Variants in CHIT1 observed in about 807,000 individuals in gnomAD.
The protein encoded by CHIT1 is chitinase 1, also known as chitotriosidase-1.
A neutral mutation model predicts 52.0 loss-of-function variants in CHIT1; 47 were observed. The ratio of observed to expected loss-of-function variants is 0.90; its 90% CI spans 0.71 to 1.15. The LOEUF is 1.15. CHIT1 is among the 50% of genes most tolerant of loss of function. The pLI, the probability that CHIT1 is intolerant of heterozygous loss-of-function variation, is 0.00. For synonymous variants in CHIT1, 242 were observed against 228.2 expected, an observed-to-expected ratio of 1.06 and a Z score of -0.54; for missense variants, 569 against 583.0, an observed-to-expected ratio of 0.98 and a Z score of 0.25.
chr1:203,224,346 TATTA>T (rs1185741355), intron 4 of CHIT1, among the ~76,000 whole-genome samples: 1 of 152,184 alleles, frequency 6.6e-6, no homozygotes, highest in Non-Finnish European at 1.5e-5. Context: ...ATTTTATTTT[TATTA>T]ATTTAGTCCG....
At position 203,216,306 on chromosome 1, in the gene CHIT1, G is replaced by C. The variant is rs1376198558; in HGVS notation, c.*583C>G. 7 of 453,962 alleles carry C rather than the reference G, an allele frequency of 1.5e-5. No homozygotes were observed. The highest frequency in any genetic ancestry group is 7.8e-5 in the South Asian group (5 of 64,478). 28.1% of individuals were successfully genotyped at this position (453,962 alleles called of 1,614,324 possible). A position where few individuals can be genotyped will look rare whatever the true frequency, so the allele number is the denominator to read the frequency against. On this transcript the variant is annotated 3_prime_UTR_variant, in exon 11 of 11. Transcript: ENST00000367229. ...TATCTCGAAGACCCCTGAGTACCAG[G>C]GGTCTGAATTCTTAGTGTAATGCTG...
In CHIT1 at chr1:203,225,675, T is replaced by C. The variant is rs2102242033; in HGVS notation, c.251A>G (p.Lys84Arg). 1 of 1,612,184 alleles carries C rather than the reference T, an allele frequency of 6.2e-7. No individual in the cohort carries two copies. Among genetic ancestry groups the C allele is most frequent in the East Asian group, 2.2e-5 (1 of 44,744 alleles). The change falls in exon 3 of 11, where the codon AAG becomes AGG. Residue 84 changes from lysine to arginine, a missense_variant. Coordinates refer to ENST00000367229, the MANE Select transcript of CHIT1 (RefSeq NM_003465.3). ...CTCCTCTGCTTTGGCTCACATCTTCTTCAGGCCATTGAACTCCTGGTAGAG... is the reference window on the plus strand; with the variant it reads ...CTCCTCTGCTTTGGCTCACATCTTCCTCAGGCCATTGAACTCCTGGTAGAG... ...ETLYQEFNGLKKMNPKLKTLL... is the reference protein window; with the variant it reads ...ETLYQEFNGLRKMNPKLKTLL...
chr1:203,221,535 C>T (rs10920585), intron 7 of CHIT1, among the ~76,000 whole-genome samples: 39 of 152,136 alleles, frequency 2.6e-4, no homozygotes, highest in African/African-American at 8.9e-4. Flanking sequence ...GCAGGAGGAT[C>T]GCTTAAGCCT....
chr1:203,219,609 C>T, intron 8 of CHIT1, 55 bp downstream of exon 8: 2 of 1,593,010 alleles, frequency 1.3e-6, no homozygotes, highest in Admixed American at 1.7e-5. Context: ...AACCTCTGTT[C>T]TCTCAGGCAC....
rs202214187 is a variant in CHIT1, at chr1:203,216,864, C to T, written c.*25G>A. 1.9e-6 allele frequency: 3 copies of T among 1,613,562 alleles called. No individual in the cohort carries two copies. The East Asian group carries it at 6.7e-5, about 36-fold the overall frequency. ...AGTGATCCTGGGCCCAGCCTCAAAG[C>T]TGGGACTGGAGGGGCTTTAGCGACT... On this transcript the variant is annotated 3_prime_UTR_variant, in exon 11 of 11. Transcript: ENST00000367229.
rs776443553 is a variant in CHIT1 at position 203,225,014 on chromosome 1, A to C, written c.314+34T>G. ...CCAGTGCACCAGGTTCCCATCCAGG[A>C]GCTTTACCACACAGGTGACCACAGT... is the stretch of plus-strand genomic sequence containing the variant. On this transcript the variant is annotated intron_variant, in intron 4 of 10. Coordinates refer to ENST00000367229, the MANE Select transcript of CHIT1 (RefSeq NM_003465.3). 29 of 1,600,716 alleles carry C rather than the reference A, an allele frequency of 1.8e-5. No individual in the cohort carries two copies. The East Asian group carries it at 6.2e-4, about 34-fold the overall frequency.
chr1:203,216,103 C>T lies in CHIT1; in HGVS notation c.*786G>A, dbSNP rs1312086351. 4.4e-6 allele frequency: 2 copies of T among 453,848 alleles called. No individual in the cohort carries two copies. Among genetic ancestry groups the T allele is most frequent in the Admixed American group, 4.7e-5 (2 of 42,556 alleles). The allele number at this position is 453,848 out of a possible 1,614,324, so 28.1% of individuals were successfully genotyped here. A position where few individuals can be genotyped will look rare whatever the true frequency, so the allele number is the denominator to read the frequency against. ...GGAATGTTGGGATGACTTTATTTAACCAGGACACCGTGTGCATGCTCTCTG... is the reference window on the plus strand; with the variant it reads ...GGAATGTTGGGATGACTTTATTTAATCAGGACACCGTGTGCATGCTCTCTG... On this transcript the variant is annotated 3_prime_UTR_variant, in exon 11 of 11. Transcript: ENST00000367229.
intron 6 of CHIT1, 107 bp from the exon 7 acceptor site, chr1:203,222,432 G>A: frequency 1.3e-6 from 2 of 1,547,666 alleles, no homozygotes; most frequent in Non-Finnish European, 1.8e-6. Context: ...GGAACCACTG[G>A]GGTCAGAGGC....
chr1:203,229,941 T>C, upstream of CHIT1: 1 of 454,504 alleles, frequency 2.2e-6, no homozygotes, highest in Middle Eastern at 6.5e-4. Flanking sequence ...GACCCTGACT[T>C]TCTTTGTGTA....
chr1:203,225,049 T>A lies in CHIT1; in HGVS notation c.313A>T (p.Lys105Ter). 1 of 1,613,658 alleles carries A rather than the reference T, an allele frequency of 6.2e-7. No individual in the cohort carries two copies. Among genetic ancestry groups the A allele is most frequent in the African/African-American group, 1.3e-5 (1 of 74,920 alleles). ...CACAGGTGACCACAGTCAACTAACT[T>A]CTGAGTGCCGAAATTCCAGCCTCCG... ...AIGGWNFGTQ[K>*]FTDMVATANN... Residue 105 changes from lysine (K) to a stop codon, truncating the protein, a stop_gained and splice_region_variant, in exon 4 of 11, where the codon AAG (lysine) becomes TAG (stop). Transcript: ENST00000367229. LOFTEE classifies it high-confidence loss of function.
intron 10 of CHIT1, chr1:203,217,409 G>A (rs1656572737): frequency 6.7e-7 from 1 of 1,485,046 alleles, no homozygotes; most frequent in African/African-American, 1.4e-5. Context: ...GGGCAGGTGG[G>A]GGTGCCACGC....
chr1:203,225,141 C>A (rs1204992506), intron 3 of CHIT1, 37 bp from the exon 4 acceptor site: 24 of 1,605,368 alleles, frequency 1.5e-5, no homozygotes, highest in Non-Finnish European at 1.9e-5. Flanking sequence ...ATTTACTCTG[C>A]CAGCTCCCAG....
intron 4 of CHIT1, 120 bp downstream of exon 4, chr1:203,224,928 C>T: frequency 3.3e-6 from 3 of 908,550 alleles, no homozygotes; most frequent in South Asian, 1.4e-5. Context: ...TTCAGCTCCC[C>T]TCCCCTTTCC....
At chr1:203,223,926 A>G (rs1656835886) in intron 4 of CHIT1, among the ~76,000 whole-genome samples, 2 of 152,024 alleles carry the variant, frequency 1.3e-5, no homozygotes, top group African/African-American at 4.8e-5. Context: ...CCTTTCCCAA[A>G]ATTCCCTCCA....
rs1656908070 is a variant in CHIT1 at position 203,225,814 on chromosome 1, C to A, written c.112G>T (p.Glu38Ter). 1 of 1,614,158 alleles carries A rather than the reference C, an allele frequency of 6.2e-7. No individual in the cohort carries two copies. The change falls in exon 3 of 11, where the codon GAG (glutamate) becomes TAG (stop). Residue 38 changes from glutamate (E) to a stop codon, truncating the protein, a stop_gained. Transcript: ENST00000367229. LOFTEE classifies it high-confidence loss of function. ...AAGTCCTTGGGCAGGAAGCGAGCCT[C>A]CCCCTGTCTGTACTGGGCCCAGTTG... The part of the protein sequence containing the change: ...FTNWAQYRQG[E>*]ARFLPKDLDP...
chr1:203,225,577 G>T, intron 3 of CHIT1, 92 bp downstream of exon 3: 1 of 1,298,240 alleles, frequency 7.7e-7, no homozygotes, highest in Non-Finnish European at 1.1e-6. Context: ...TCTGTGGCAG[G>T]ACCTTAGTGC....
intron 9 of CHIT1, chr1:203,218,178 T>G: frequency 8.1e-7 from 1 of 1,236,070 alleles, no homozygotes; most frequent in South Asian, 1.3e-5. Context: ...TGGTCATGTG[T>G]GGGCTGAGCT....
chr1:203,218,114 G>C (rs532310389), intron 9 of CHIT1: 1 of 1,464,944 alleles, frequency 6.8e-7, no homozygotes, highest in East Asian at 3.1e-5. Flanking sequence ...GGGTGCAGTC[G>C]GGAGGAATAG....
At chr1:203,226,805 A>G (rs1656946156) in intron 2 of CHIT1, among the ~76,000 whole-genome samples, 1 of 152,086 alleles carries the variant, frequency 6.6e-6, no homozygotes. Flanking sequence ...GGACACCAGG[A>G]AGCAAGAATG....
Sources: allele counts gnomAD v4.1 joint callset (sites outside exome capture counted in the v4.1 genomes callset), GRCh38; gene constraint gnomAD v4.1.1; transcripts MANE v1.5; gene names NCBI Gene and HGNC (gene_info 2026-07-23, HGNC 2026-07-21).